DENND2B: variants seen among roughly 807,000 people sequenced by gnomAD.
DENND2B encodes the protein DENN domain containing 2B.
In DENND2B, 32 loss-of-function variants were observed where a neutral mutation model predicts 116.0. That is an observed-to-expected ratio of 0.28 (90% CI 0.21 to 0.37). The LOEUF (loss-of-function observed/expected upper bound fraction) is 0.37, where lower values mean the gene tolerates loss of function less well. DENND2B is among the 10% of genes least tolerant of loss of function. DENND2B has a pLI of 1.00. For missense variants in DENND2B, 1,276 were observed against 1,477.7 expected (o/e 0.86, Z 2.24); for synonymous variants, 588 against 583.9 (o/e 1.01, Z -0.10).
At chr11:8,754,029 G>GCGCGCACACACACACACACACA (rs146486674) in intron 1 of DENND2B, among the ~76,000 whole-genome samples, 24 of 138,830 alleles carry the variant, frequency 1.7e-4, no homozygotes, top group African/African-American at 5.7e-4. Context: ...CCAAAAGCGC[G>GCGCGCACACACACACACACACA]CACACACACA....
Position 8,736,897 on chromosome 11 carries a change from G to A in DENND2B, c.81-5688C>T, listed in dbSNP as rs527287413. On this transcript the variant is annotated intron_variant, in intron 2 of 19. Transcript: ENST00000313726. ...AGTGGATGTGAGCAGGACAGTGACA[G>A]AATCTGACTTCACATCAGAGGATGA... 2.0e-5 allele frequency among the ~76,000 whole-genome samples: 3 copies of A among 152,354 alleles called. No homozygotes were observed. In the South Asian group the frequency reaches 6.2e-4, roughly 32 times the overall value.
chr11:8,878,044 C>T (rs1448058677), intron 2 of DENND2B, among the ~76,000 whole-genome samples: 1 of 152,094 alleles, frequency 6.6e-6, no homozygotes, highest in African/African-American at 2.4e-5. Flanking sequence ...ACTGAACCTT[C>T]AATGATTGTC....
intron 2 of DENND2B, among the ~76,000 whole-genome samples, chr11:8,868,412 A>T (rs938140366): frequency 1.3e-5 from 2 of 152,216 alleles, no homozygotes; most frequent in African/African-American, 4.8e-5. Context: ...TACAGGATAA[A>T]GTTCCAGCCC....
chr11:8,727,964 AACACACACACACACAC>A (rs55688240), intron 3 of DENND2B, among the ~76,000 whole-genome samples: 11,193 of 138,628 alleles, frequency 0.081, 529 homozygotes, highest in East Asian at 0.14. Context: ...ATTTTACACA[AACACACACACACACAC>A]ACACACACAC....
At position 8,699,425 on chromosome 11, in the gene DENND2B, C is replaced by T; in HGVS notation, c.2721-35G>A. 3 of 1,556,774 alleles carry T rather than the reference C, an allele frequency of 1.9e-6. No homozygotes were observed. The South Asian group carries it at 3.6e-5, about 19-fold the overall frequency. On this transcript the variant is annotated intron_variant, in intron 14 of 19. Coordinates refer to ENST00000313726, the MANE Select transcript of DENND2B (RefSeq NM_213618.2). ...AGACAGAGAGACAGAGTACCTGAGC[C>T]CAGGCCCAGGAACTTAGAGCTCGCT...
chr11:8,876,694 T>C (rs1200408179), intron 2 of DENND2B, among the ~76,000 whole-genome samples: 2 of 151,976 alleles, frequency 1.3e-5, no homozygotes, highest in African/African-American at 4.8e-5. Context: ...CTGGCCAACA[T>C]GGTGAAACCC....
rs2044684490 is a variant in DENND2B at position 8,715,946 on chromosome 11, C to T, written c.1630-128G>A. 2.0e-5 allele frequency: 16 copies of T among 803,870 alleles called. 1 individual carries two copies. In the South Asian group the frequency reaches 2.8e-4, roughly 14 times the overall value. The allele number at this position is 803,870 out of a possible 1,614,324, so 49.8% of individuals were successfully genotyped here. A position where few individuals can be genotyped will look rare whatever the true frequency, so the allele number is the denominator to read the frequency against. On this transcript the variant is annotated intron_variant, in intron 5 of 19. Coordinates refer to ENST00000313726, the MANE Select transcript of DENND2B (RefSeq NM_213618.2). ...GGATCCCCGCCATCTTGCCCTGGAACTTCCATCCCTCTCTTAAGACTTTAG... is the reference window on the plus strand; with the variant it reads ...GGATCCCCGCCATCTTGCCCTGGAATTTCCATCCCTCTCTTAAGACTTTAG...
intron 1 of DENND2B, among the ~76,000 whole-genome samples, chr11:8,795,233 T>C (rs1024274042): frequency 2.0e-5 from 3 of 152,250 alleles, no homozygotes; most frequent in Non-Finnish European, 4.4e-5. Flanking sequence ...CCAGGCTTTG[T>C]TGATGTTTTA....
At chr11:8,738,435 C>T (rs906546865) in intron 2 of DENND2B, among the ~76,000 whole-genome samples, 1 of 152,166 alleles carries the variant, frequency 6.6e-6, no homozygotes, top group African/African-American at 2.4e-5. Context: ...CTACACTTAA[C>T]GCTCTAGAGA....
intron 11 of DENND2B, among the ~76,000 whole-genome samples, chr11:8,708,561 C>A (rs571713163): frequency 6.6e-6 from 1 of 152,260 alleles, no homozygotes; most frequent in Non-Finnish European, 1.5e-5. Context: ...CTGTCTTACC[C>A]CTAAAGCCTG....
chr11:8,861,182 T>C (rs968171841), intron 2 of DENND2B, among the ~76,000 whole-genome samples: 1 of 151,842 alleles, frequency 6.6e-6, no homozygotes, highest in African/African-American at 2.4e-5. Flanking sequence ...AATAAATAAA[T>C]AAATGGGAAC....
intron 17 of DENND2B, among the ~76,000 whole-genome samples, chr11:8,697,048 G>A (rs777015767): frequency 1.3e-4 from 20 of 152,344 alleles, no homozygotes; most frequent in Non-Finnish European, 2.1e-4. Context: ...TTACAGGCGT[G>A]AGCCACCACA....
chr11:8,721,364 G>C (rs2046141137), intron 4 of DENND2B, among the ~76,000 whole-genome samples: 1 of 151,938 alleles, frequency 6.6e-6, no homozygotes, highest in Non-Finnish European at 1.5e-5. Flanking sequence ...CACTCCCCCA[G>C]CCCCAACCTA....
Position 8,862,797 on chromosome 11 carries a change from G to A in DENND2B, c.-249-5361C>T, listed in dbSNP as rs760139992. On this transcript the variant is annotated intron_variant, in intron 2 of 6. Coordinates refer to the DENND2B transcript ENST00000524757. ...CAGCTCTTGATGTGGCTTCAACCAA[G>A]TCTGAGCCTCATATCCTGAGATCTA... Among the ~76,000 whole-genome samples, 7 of 150,148 alleles carry A rather than the reference G, an allele frequency of 4.7e-5. No homozygotes were observed. The Middle Eastern group carries it at 0.022, about 473-fold the overall frequency.
chr11:8,887,165 C>T (rs2063970476), intron 1 of DENND2B, among the ~76,000 whole-genome samples: 1 of 152,186 alleles, frequency 6.6e-6, no homozygotes. Context: ...TTTCATTTTG[C>T]AGCAGCTCTT....
chr11:8,703,043 G>C, intron 13 of DENND2B: 1 of 304,120 alleles, frequency 3.3e-6, no homozygotes. Flanking sequence ...GAGAAGAAGG[G>C]AACCACACAG....
chr11:8,762,038 C>T lies in DENND2B; in HGVS notation c.-25-11313G>A, dbSNP rs913784576. On this transcript the variant is annotated intron_variant, in intron 1 of 19. Coordinates refer to ENST00000313726, the MANE Select transcript of DENND2B (RefSeq NM_213618.2). ...TCACTCTTTTAGCTGCCTCTGCTTC[C>T]GATTCCACTAAGAACAGATCCTCAA... Among the ~76,000 whole-genome samples the T allele has an allele frequency of 5.3e-5, 8 of 152,230 alleles. No homozygotes were observed. The East Asian group carries it at 1.4e-3, about 26-fold the overall frequency.
intron 3 of DENND2B, among the ~76,000 whole-genome samples, chr11:8,729,574 T>G (rs1271479043): frequency 6.6e-6 from 1 of 152,166 alleles, no homozygotes; most frequent in African/African-American, 2.4e-5. Flanking sequence ...GTACTTCAGG[T>G]GGTAGGGAGG....
chr11:8,756,156 G>A (rs1000017649), intron 1 of DENND2B, among the ~76,000 whole-genome samples: 3 of 152,160 alleles, frequency 2.0e-5, no homozygotes, highest in South Asian at 2.1e-4. Flanking sequence ...CAGGCCCTTG[G>A]AGAAAAGGCA....
Sources: allele counts gnomAD v4.1 joint callset (sites outside exome capture counted in the v4.1 genomes callset), GRCh38; gene constraint gnomAD v4.1.1; transcripts MANE v1.5; gene names NCBI Gene and HGNC (gene_info 2026-07-23, HGNC 2026-07-21).